CFAP100: variants seen among roughly 807,000 people sequenced by gnomAD.
CFAP100 encodes cilia- and flagella-associated protein 100.
CFAP100 carries 70 observed loss-of-function variants against 81.5 expected under a neutral mutation model. The ratio of observed to expected loss-of-function variants is 0.86; its 90% CI spans 0.71 to 1.05. The LOEUF (loss-of-function observed/expected upper bound fraction) is 1.05, where lower values mean the gene tolerates loss of function less well. Ranked by LOEUF, CFAP100 falls within the 50% of genes least tolerant of loss-of-function variation. The pLI is 0.00. For missense variants in CFAP100, 811 were observed against 776.5 expected, an observed-to-expected ratio of 1.04 and a Z score of -0.53; for synonymous variants, 341 against 314.8, an observed-to-expected ratio of 1.08 and a Z score of -0.88.
chr3:126,398,096 T>C (rs1460570064), intron 2 of CFAP100, among the ~76,000 whole-genome samples: 1 of 152,134 alleles, frequency 6.6e-6, no homozygotes, highest in Non-Finnish European at 1.5e-5. Flanking sequence ...GCTCAGTGTC[T>C]AGCTTTATGA....
intron 3 of CFAP100, among the ~76,000 whole-genome samples, chr3:126,411,361 GTTTTTTTT>G (rs58954079): frequency 5.7e-5 from 2 of 35,366 alleles, no homozygotes; most frequent in African/African-American, 1.2e-4. Flanking sequence ...GTTGTTGTTG[GTTTTTTTT>G]TTTTTTTTTT....
intron 15 of CFAP100, chr3:126,434,677 C>T (rs764940894): frequency 3.7e-5 from 13 of 353,748 alleles, no homozygotes; most frequent in African/African-American, 6.2e-5. Flanking sequence ...GTGGCTAGCA[C>T]GGTCAGCCTC....
Position 126,419,643 on chromosome 3 carries a change from C to A in CFAP100, c.738C>A (p.Ile246=), listed in dbSNP as rs147085159. The change falls in exon 9 of 17, where the codon ATC becomes ATA. Residue 246 remains isoleucine (I), a synonymous_variant. Coordinates refer to ENST00000352312, the MANE Select transcript of CFAP100 (RefSeq NM_182628.3). ...TCACCCCGCCCCGGTGTAGTGAGAT[C>A]TCCAGATTTGAAGACACTCTGAAGC... ...TTQIVNIKSE[I]SRFEDTLKHY... is the part of the protein sequence containing the mutation. The A allele has an allele frequency of 6.2e-7, 1 of 1,613,636 alleles. No individual in the cohort carries two copies. The highest frequency in any genetic ancestry group is 1.7e-5 in the Admixed American group (1 of 60,008).
At chr3:126,432,010 G>A (rs1933250571) in intron 13 of CFAP100, among the ~76,000 whole-genome samples, 1 of 152,152 alleles carries the variant, frequency 6.6e-6, no homozygotes, top group African/African-American at 2.4e-5. Flanking sequence ...GCCGGGCGCA[G>A]TGGCTCACAC....
Position 126,423,593 on chromosome 3 carries a change from A to T in CFAP100, c.1235A>T (p.Glu412Val). ...CTGATCCAGAACAGCCAGGAGACGG[A>T]GAAGACCCTGGAGGAGCTGAGCCAC... The part of the protein sequence containing the change: ...LSLIQNSQET[E>V]KTLEELSHTL... Residue 412 changes from glutamate to valine, a missense_variant, in exon 13 of 17, where the codon GAG becomes GTG. Coordinates refer to ENST00000352312, the MANE Select transcript of CFAP100 (RefSeq NM_182628.3). 1 of 1,254,840 alleles carries T rather than the reference A, an allele frequency of 8.0e-7. No individual in the cohort carries two copies. The highest frequency in any genetic ancestry group is 1.1e-6 in the Non-Finnish European group (1 of 875,296). The allele number at this position is 1,254,840 out of a possible 1,614,324, so 77.7% of individuals were successfully genotyped here. A position where few individuals can be genotyped will look rare whatever the true frequency, so the allele number is the denominator to read the frequency against.
At position 126,414,112 on chromosome 3, in the gene CFAP100, CT is replaced by C; in HGVS notation, c.161del (p.Phe54SerfsTer36). ...CATGGTCCTGACCCTTCAGCGAACC[CT>C]TTCCACTTATCTGGGGATGTGGATT... ...EEHGPDPSANPFHLSGDVDFF... is the reference protein window; with the variant it reads ...EEHGPDPSANXFHLSGDVDFF... On this transcript the variant is annotated frameshift_variant, in exon 4 of 17. Transcript: ENST00000352312. LOFTEE classifies it high-confidence loss of function. 6.2e-7 allele frequency: 1 copy of C among 1,614,034 alleles called. No individual in the cohort carries two copies. The highest frequency in any genetic ancestry group is 1.1e-5 in the South Asian group (1 of 91,080).
At chr3:126,402,329 G>T (rs2082997997) in intron 2 of CFAP100, among the ~76,000 whole-genome samples, 1 of 152,226 alleles carries the variant, frequency 6.6e-6, no homozygotes, top group South Asian at 2.1e-4. Flanking sequence ...CTTACTCACA[G>T]ATCCCTAGGA....
Position 126,419,694 on chromosome 3 carries a change from A to G in CFAP100, c.789A>G (p.Leu263=), listed in dbSNP as rs144109700. ...LKHYKVYKDF[L]YKLSPKEWLE... is the part of the protein sequence containing the mutation. ...ATTACAAGGTCTATAAGGATTTCCT[A>G]TACAAGCTGTCGCCCAAGGAGTGGC... The change falls in exon 9 of 17, where the codon CTA becomes CTG. Residue 263 remains leucine (L), a synonymous_variant. Coordinates refer to ENST00000352312, the MANE Select transcript of CFAP100 (RefSeq NM_182628.3). The G allele has an allele frequency of 6.2e-7, 1 of 1,614,110 alleles. No individual in the cohort carries two copies. The highest frequency in any genetic ancestry group is 8.5e-7 in the Non-Finnish European group (1 of 1,180,018).
At chr3:126,400,271 G>C (rs2082952738) in intron 2 of CFAP100, among the ~76,000 whole-genome samples, 2 of 152,088 alleles carry the variant, frequency 1.3e-5, no homozygotes, top group African/African-American at 4.8e-5. Flanking sequence ...CAGGAGAAAA[G>C]ATACTCAACA....
Position 126,427,543 on chromosome 3 carries a change from C to T in CFAP100, c.1286+3899C>T, listed in dbSNP as rs148425282. On this transcript the variant is annotated intron_variant, in intron 13 of 16. Coordinates refer to ENST00000352312, the MANE Select transcript of CFAP100 (RefSeq NM_182628.3). ...ATGTGCAGATTTTTTTGTGTGTGGA[C>T]GTAGGTTTTCAACTCATTTGGGTAA... Among the ~76,000 whole-genome samples the T allele has an allele frequency of 4.9e-3, 744 of 152,090 alleles. 5 individuals are homozygous for T. The highest frequency in any genetic ancestry group is 0.017 in the African/African-American group (692 of 41,460).
chr3:126,435,617 G>T lies in CFAP100; in HGVS notation c.1687G>T (p.Ala563Ser). Residue 563 changes from alanine (A) to serine (S), a missense_variant, in exon 16 of 17, where the codon GCC (alanine) becomes TCC (serine). Transcript: ENST00000352312. ...KILQEEHLQR[A>S]RARAQAEIKK... is the part of the protein sequence containing the mutation. The stretch of plus-strand genomic sequence containing the variant: ...CCTACAGGAGGAGCATCTGCAGCGG[G>T]CCCGGGCGCGCGCCCAGGCTGAGAT... 6.2e-7 allele frequency: 1 copy of T among 1,612,552 alleles called. No individual in the cohort carries two copies.
Position 126,395,691 on chromosome 3 carries a change from A to AT in CFAP100, c.-59-245dup, listed in dbSNP as rs200810607. ...CACCCCCAGCTGGGTATGGGAGAAT[A>AT]TTTTTTGGCCGAGGAGGCCGAAAAT... On this transcript the variant is annotated intron_variant, in intron 1 of 16. Transcript: ENST00000352312. Among the ~76,000 whole-genome samples, 701 of 152,288 alleles carry AT rather than the reference A, an allele frequency of 4.6e-3. 7 individuals carry two copies. The highest frequency in any genetic ancestry group is 0.013 in the African/African-American group (561 of 41,570).
At position 126,408,882 on chromosome 3, in the gene CFAP100, G is replaced by A. The variant is rs564419192; in HGVS notation, c.130+1630G>A. 3.9e-5 allele frequency among the ~76,000 whole-genome samples: 6 copies of A among 152,278 alleles called. No individual in the cohort carries two copies. In the South Asian group the frequency reaches 1.2e-3, roughly 32 times the overall value. ...CAGCTCACTGCAGCCTCAACCTCCT[G>A]GGTTTAAGCGATCCTCCTGCTTCAG... On this transcript the variant is annotated intron_variant, in intron 3 of 16. Coordinates refer to ENST00000352312, the MANE Select transcript of CFAP100 (RefSeq NM_182628.3).
At chr3:126,435,012 G>A (rs979777503) in intron 15 of CFAP100, among the ~76,000 whole-genome samples, 2 of 152,094 alleles carry the variant, frequency 1.3e-5, no homozygotes, top group African/African-American at 4.8e-5. Context: ...TGGGCAGCCC[G>A]GTTCATCCAC....
chr3:126,423,632 C>T lies in CFAP100; in HGVS notation c.1274C>T (p.Thr425Ile). 6.2e-7 allele frequency: 1 copy of T among 1,614,194 alleles called. No individual in the cohort carries two copies. The highest frequency in any genetic ancestry group is 8.5e-7 in the Non-Finnish European group (1 of 1,180,026). The change falls in exon 13 of 17, where the codon ACC (threonine) becomes ATC (isoleucine). Residue 425 changes from threonine to isoleucine, a missense_variant. Physicochemically the swap from Thr to Ile is moderately conservative, Grantham distance 89. Transcript: ENST00000352312. The part of the protein sequence containing the change: ...LEELSHTLKH[T>I]QIRMDREVNQ... ...GAGCTGAGCCACACCCTGAAACACA[C>T]CCAGATCCGCATGTAGGTGCTATGC...
chr3:126,410,088 C>A (rs1261797163), intron 3 of CFAP100, among the ~76,000 whole-genome samples: 2 of 152,172 alleles, frequency 1.3e-5, no homozygotes, highest in Non-Finnish European at 2.9e-5. Context: ...GTAGTCCCAG[C>A]TACTCGGGAG....
chr3:126,418,893 C>A, intron 7 of CFAP100, 119 bp downstream of exon 7: 2 of 1,303,024 alleles, frequency 1.5e-6, no homozygotes, highest in Non-Finnish European at 1.0e-6. Context: ...CTGGAAGCAC[C>A]AGGGCCGGTC....
intron 3 of CFAP100, 56 bp downstream of exon 3, chr3:126,407,308 C>A: frequency 8.5e-7 from 1 of 1,173,258 alleles, no homozygotes; most frequent in South Asian, 1.3e-5. Flanking sequence ...ACTCCTCTCC[C>A]TCTGCCCCCA....
intron 13 of CFAP100, among the ~76,000 whole-genome samples, chr3:126,429,218 C>T (rs776141868): frequency 2.0e-5 from 3 of 150,412 alleles, no homozygotes; most frequent in Non-Finnish European, 3.0e-5. Context: ...TTGTTAGGAG[C>T]GTTTTGATTA....
Sources: gnomAD v4.1 joint callset for allele counts (sites outside exome capture counted in the v4.1 genomes callset) on GRCh38, gnomAD v4.1.1 for gene constraint, MANE v1.5 for transcripts, NCBI Gene and HGNC (gene_info 2026-07-23, HGNC 2026-07-21) for gene names.